Variants in ATXN1L observed in about 807,000 individuals in gnomAD.
ATXN1L encodes the protein ataxin-1-like.
ATXN1L carries 8 observed loss-of-function variants against 43.4 expected under a neutral mutation model. The observed-to-expected ratio is 0.18, with a 90% CI of 0.11 to 0.33. The LOEUF (loss-of-function observed/expected upper bound fraction) is 0.33. ATXN1L is among the 10% of genes least tolerant of loss of function. The pLI is 1.00. For missense variants in ATXN1L, 856 were observed against 885.4 expected (o/e 0.97, Z 0.42); for synonymous variants, 379 against 360.6 (o/e 1.05, Z -0.58).
At chr16:71,849,397 G>C (rs1484679892) in intron 2 of ATXN1L, among the ~76,000 whole-genome samples, 1 of 152,070 alleles carries the variant, frequency 6.6e-6, no homozygotes, top group Non-Finnish European at 1.5e-5. Context: ...ATTGGTGAAT[G>C]CGTGTCCCTG....
At chr16:71,847,467 T>G (rs1413161377) in intron 1 of ATXN1L, among the ~76,000 whole-genome samples, 1 of 151,926 alleles carries the variant, frequency 6.6e-6, no homozygotes, top group Non-Finnish European at 1.5e-5. Flanking sequence ...TCTTAATAAG[T>G]CTTCTCCTTG....
rs761168492 is a variant in ATXN1L, at chr16:71,850,098, C to T, written c.358C>T (p.Pro120Ser). 36 of 1,551,582 alleles carry T rather than the reference C, an allele frequency of 2.3e-5. No individual in the cohort carries two copies. Among genetic ancestry groups the T allele is most frequent in the Middle Eastern group, 3.3e-4 (2 of 6,014 alleles). Reference sequence around the variant, plus strand: ...TGTAGCGTCTTCACTAATTCAACATCCAGGCATCCACTATCCTCCACTCCA... The same window carrying T: ...TGTAGCGTCTTCACTAATTCAACATTCAGGCATCCACTATCCTCCACTCCA... ...FNVASSLIQHPGIHYPPLHYA... is the reference protein window; with the variant it reads ...FNVASSLIQHSGIHYPPLHYA... The change falls in exon 3 of 3, where the codon CCA (proline) becomes TCA (serine). Residue 120 changes from proline to serine, a missense_variant. Coordinates refer to ENST00000427980, the MANE Select transcript of ATXN1L (RefSeq NM_001137675.4).
chr16:71,847,874 G>T, intron 1 of ATXN1L, 136 bp from the exon 2 acceptor site: 1 of 270,060 alleles, frequency 3.7e-6, no homozygotes, highest in East Asian at 1.2e-4. Flanking sequence ...CTGGGTAAAT[G>T]TACTGTTTAC....
At position 71,850,263 on chromosome 16, in the gene ATXN1L, G is replaced by A. The variant is rs1395561781; in HGVS notation, c.523G>A (p.Val175Met). The A allele has an allele frequency of 6.4e-7, 1 of 1,551,414 alleles. No homozygotes were observed. Among genetic ancestry groups the A allele is most frequent in the Admixed American group, 2.0e-5 (1 of 50,976 alleles). The change falls in exon 3 of 3, where the codon GTG becomes ATG. Residue 175 changes from valine to methionine, a missense_variant. By Grantham distance (21) the Val-to-Met change is conservative. This residue lies in a region of ATXN1L where 490 missense variants were observed against 449.4 expected (regional missense o/e 1.09). Coordinates refer to ENST00000427980, the MANE Select transcript of ATXN1L (RefSeq NM_001137675.4). ...TGCCACCTCTCACCTTCCACACTTT[G>A]TGCCATATGCCTCACTTCTGGCTGA... Reference protein sequence around the residue: ...NLATSHLPHFVPYASLLAEGA... With the variant: ...NLATSHLPHFMPYASLLAEGA...
rs2033508628 is a variant in ATXN1L at position 71,851,948 on chromosome 16, T to A, written c.*138T>A. 3 of 1,004,496 alleles carry A rather than the reference T, an allele frequency of 3.0e-6. No homozygotes were observed. 62.2% of individuals were successfully genotyped at this position (1,004,496 alleles called of 1,614,324 possible). On this transcript the variant is annotated 3_prime_UTR_variant, in exon 3 of 3. Coordinates refer to ENST00000427980, the MANE Select transcript of ATXN1L (RefSeq NM_001137675.4). This position sits in a 1 kb window ranked among gnomAD's most constrained non-coding sequence, Gnocchi z 4.9. Reference sequence around the variant, plus strand: ...TTTGGGGGAAAGGGGAGGCATGAAGTCAGCCTCCCAAGGCAGGATCTGTTG... The same window carrying A: ...TTTGGGGGAAAGGGGAGGCATGAAGACAGCCTCCCAAGGCAGGATCTGTTG...
Position 71,850,613 on chromosome 16 carries a change from C to G in ATXN1L, c.873C>G (p.Asn291Lys). The G allele has an allele frequency of 6.4e-7, 1 of 1,551,716 alleles. No individual in the cohort carries two copies. The highest frequency in any genetic ancestry group is 8.7e-7 in the Non-Finnish European group (1 of 1,147,004). The change falls in exon 3 of 3, where the codon AAC (asparagine) becomes AAG (lysine). Residue 291 changes from asparagine (N) to lysine (K), a missense_variant. This residue lies in a region of ATXN1L where 490 missense variants were observed against 449.4 expected (regional missense o/e 1.09). Transcript: ENST00000427980. ...RRESEALDSP[N>K]SKGEGQGLVP... is the part of the protein sequence containing the mutation. ...AAAGTGAAGCCCTTGACTCCCCCAA[C>G]AGCAAGGGTGAAGGCCAGGGACTGG...
chr16:71,850,928 C>T lies in ATXN1L; in HGVS notation c.1188C>T (p.Tyr396=). 1 of 1,551,664 alleles carries T rather than the reference C, an allele frequency of 6.4e-7. No individual in the cohort carries two copies. The highest frequency in any genetic ancestry group is 1.2e-5 in the South Asian group (1 of 84,060). Residue 396 remains tyrosine, a synonymous_variant, in exon 3 of 3, where the codon TAC becomes TAT. Coordinates refer to ENST00000427980, the MANE Select transcript of ATXN1L (RefSeq NM_001137675.4). ...AGAAAAGTCAGGCCCGTGGGTTCTACCCTCAGTCCCATCAGGAACCAGTAA... is the reference window on the plus strand; with the variant it reads ...AGAAAAGTCAGGCCCGTGGGTTCTATCCTCAGTCCCATCAGGAACCAGTAA... ...LAEKSQARGF[Y]PQSHQEPVKH...
At chr16:71,847,462 AT>A (rs2033454839) in intron 1 of ATXN1L, among the ~76,000 whole-genome samples, 3 of 151,884 alleles carry the variant, frequency 2.0e-5, no homozygotes, top group African/African-American at 7.3e-5. Flanking sequence ...AAATCTCTTA[AT>A]AAGTCTTCTC....
At position 71,851,653 on chromosome 16, in the gene ATXN1L, C is replaced by T; in HGVS notation, c.1913C>T (p.Ser638Phe). 2 of 1,521,652 alleles carry T rather than the reference C, an allele frequency of 1.3e-6. No homozygotes were observed. The highest frequency in any genetic ancestry group is 1.2e-5 in the South Asian group (1 of 81,556). The allele number at this position is 1,521,652 out of a possible 1,614,324, so 94.3% of individuals were successfully genotyped here. The change falls in exon 3 of 3, where the codon TCC (serine) becomes TTC (phenylalanine). Residue 638 changes from serine (S) to phenylalanine (F), a missense_variant. This residue lies in a region of ATXN1L where 185 missense variants were observed against 176.8 expected (regional missense o/e 1.05). Transcript: ENST00000427980. This position sits in a 1 kb window ranked among gnomAD's most constrained non-coding sequence, Gnocchi z 4.9. ...AGEGSRVVEP[S>F]QPESGAQACW... ...GAGGGCTCCCGTGTGGTAGAGCCTT[C>T]CCAGCCTGAGTCCGGTGCTCAGGCC...
chr16:71,846,676 T>C (rs890764733), intron 1 of ATXN1L, among the ~76,000 whole-genome samples: 1 of 152,182 alleles, frequency 6.6e-6, no homozygotes, highest in Admixed American at 6.5e-5. Flanking sequence ...GTTAGCTCGG[T>C]TGGGGTCACA....
Position 71,850,131 on chromosome 16 carries a change from C to G in ATXN1L, c.391C>G (p.Gln131Glu). 4 of 1,551,760 alleles carry G rather than the reference C, an allele frequency of 2.6e-6. No homozygotes were observed. The highest frequency in any genetic ancestry group is 3.5e-6 in the Non-Finnish European group (4 of 1,147,006). ...CCACTATCCTCCACTCCACTATGCT[C>G]AGCTCCCATCCACCTCGCTGCAGTT... ...GIHYPPLHYA[Q>E]LPSTSLQFIG... The change falls in exon 3 of 3, where the codon CAG becomes GAG. Residue 131 changes from glutamine (Q) to glutamate (E), a missense_variant. Around this residue, in one of 7 missense-constraint regions of ATXN1L, gnomAD observed 490 missense variants for 449.4 expected, o/e 1.09. Transcript: ENST00000427980.
At chr16:71,847,495 C>T (rs1310025561) in intron 1 of ATXN1L, among the ~76,000 whole-genome samples, 2 of 151,924 alleles carry the variant, frequency 1.3e-5, no homozygotes, top group Non-Finnish European at 2.9e-5. Flanking sequence ...CCCCCCTGAC[C>T]TCTTTTTCTG....
At position 71,853,708 on chromosome 16, in the gene ATXN1L, T is replaced by G. The variant is rs1180047963; in HGVS notation, c.*1898T>G. ...TTCTTAGTGTTCAGGTGCTAAAGGT[T>G]GTTCTCCTGGGGGAACAGAGTGACT... On this transcript the variant is annotated 3_prime_UTR_variant, in exon 3 of 3. Coordinates refer to ENST00000427980, the MANE Select transcript of ATXN1L (RefSeq NM_001137675.4). The G allele has an allele frequency of 6.0e-6, 1 of 166,996 alleles. No individual in the cohort carries two copies. Among genetic ancestry groups the G allele is most frequent in the Non-Finnish European group, 1.5e-5 (1 of 68,118 alleles). 10.3% of individuals were successfully genotyped at this position (166,996 alleles called of 1,614,324 possible).
At chr16:71,849,339 G>A (rs1313203581) in intron 2 of ATXN1L, among the ~76,000 whole-genome samples, 1 of 151,764 alleles carries the variant, frequency 6.6e-6, no homozygotes, top group East Asian at 1.9e-4. Context: ...GACTAACCGT[G>A]AAGCTGTTGG....
rs188817752 is a variant in ATXN1L, at chr16:71,850,148, G to A, written c.408G>A (p.Ser136=). The change falls in exon 3 of 3, where the codon TCG becomes TCA. Residue 136 remains serine, a synonymous_variant. Transcript: ENST00000427980. ...ACTATGCTCAGCTCCCATCCACCTCGCTGCAGTTCATTGGGTCTCCTTATA... is the reference window on the plus strand; with the variant it reads ...ACTATGCTCAGCTCCCATCCACCTCACTGCAGTTCATTGGGTCTCCTTATA... ...PLHYAQLPST[S]LQFIGSPYSL... is the part of the protein sequence containing the mutation. 19 of 1,551,654 alleles carry A rather than the reference G, an allele frequency of 1.2e-5. No homozygotes were observed. In the South Asian group the frequency reaches 1.5e-4, roughly 13 times the overall value.
chr16:71,849,664 A>G lies in ATXN1L; in HGVS notation c.-77A>G, dbSNP rs2033477379. Reference sequence around the variant, plus strand: ...CCAGAAGCAGAGAGGGGTACAGGGAAGCTACAGAGAAGCCCCTTCTGATGC... The same window carrying G: ...CCAGAAGCAGAGAGGGGTACAGGGAGGCTACAGAGAAGCCCCTTCTGATGC... On this transcript the variant is annotated 5_prime_UTR_variant, in exon 3 of 3. Transcript: ENST00000427980. 1.4e-6 allele frequency: 2 copies of G among 1,427,806 alleles called. No homozygotes were observed. 88.4% of individuals were successfully genotyped at this position (1,427,806 alleles called of 1,614,324 possible).
Position 71,851,931 on chromosome 16 carries a change from A to G in ATXN1L, c.*121A>G. 8.5e-7 allele frequency: 1 copy of G among 1,179,748 alleles called. No homozygotes were observed. The highest frequency in any genetic ancestry group is 1.1e-6 in the Non-Finnish European group (1 of 891,728). 73.1% of individuals were successfully genotyped at this position (1,179,748 alleles called of 1,614,324 possible). A position where few individuals can be genotyped will look rare whatever the true frequency, so the allele number is the denominator to read the frequency against. On this transcript the variant is annotated 3_prime_UTR_variant, in exon 3 of 3. Transcript: ENST00000427980. This position sits in a 1 kb window ranked among gnomAD's most constrained non-coding sequence, Gnocchi z 4.9. ...CTTTCTTGGCAGTGAGATTTGGGGG[A>G]AAGGGGAGGCATGAAGTCAGCCTCC... is the stretch of plus-strand genomic sequence containing the variant.
At chr16:71,847,187 A>G (rs112691579) in intron 1 of ATXN1L, among the ~76,000 whole-genome samples, 55 of 152,272 alleles carry the variant, frequency 3.6e-4, no homozygotes, top group African/African-American at 1.1e-3. Flanking sequence ...TGGACAGGAT[A>G]GTCAGTTTCT....
chr16:71,851,844 C>T lies in ATXN1L; in HGVS notation c.*34C>T. On this transcript the variant is annotated 3_prime_UTR_variant, in exon 3 of 3. Coordinates refer to ENST00000427980, the MANE Select transcript of ATXN1L (RefSeq NM_001137675.4). The surrounding 1 kb of genome is among the most constrained non-coding windows in gnomAD (Gnocchi z 4.9). ...CCCAGACCAGGACTGGGGCTTTACC[C>T]CAGAGCCTCGCCTCGCCGCCGTGAG... 7.2e-7 allele frequency: 1 copy of T among 1,387,622 alleles called. No homozygotes were observed. The highest frequency in any genetic ancestry group is 2.0e-5 in the South Asian group (1 of 50,780). 86.0% of individuals were successfully genotyped at this position (1,387,622 alleles called of 1,614,324 possible). A position where few individuals can be genotyped will look rare whatever the true frequency, so the allele number is the denominator to read the frequency against.
Sources: allele counts gnomAD v4.1 joint callset (sites outside exome capture counted in the v4.1 genomes callset), GRCh38; gene constraint gnomAD v4.1.1; regional missense constraint gnomAD v4.1.1; non-coding constraint Gnocchi (gnomAD v3.1); transcripts MANE v1.5; gene names NCBI Gene and HGNC (gene_info 2026-07-23, HGNC 2026-07-21).